KCNK2: variants seen among roughly 807,000 people sequenced by gnomAD.
The protein encoded by KCNK2 is potassium two pore domain channel subfamily K member 2.
KCNK2 carries 21 observed loss-of-function variants against 40.5 expected under a neutral mutation model. The ratio of observed to expected loss-of-function variants is 0.52; its 90% CI spans 0.37 to 0.75. The LOEUF (loss-of-function observed/expected upper bound fraction) is 0.75, where lower values mean the gene tolerates loss of function less well. KCNK2 is among the 30% of genes least tolerant of loss of function. KCNK2 has a pLI of 0.00. For missense variants in KCNK2, 399 were observed against 531.6 expected, an observed-to-expected ratio of 0.75 and a Z score of 2.45; for synonymous variants, 191 against 202.2, an observed-to-expected ratio of 0.94 and a Z score of 0.47.
chr1:215,101,920 C>T (rs893276814), intron 2 of KCNK2, among the ~76,000 whole-genome samples: 4 of 151,722 alleles, frequency 2.6e-5, no homozygotes, highest in African/African-American at 7.3e-5. Context: ...ACTGTGTTAC[C>T]GGTTTGTGTA....
chr1:215,148,622 G>T (rs1662547174), intron 3 of KCNK2, among the ~76,000 whole-genome samples: 2 of 152,098 alleles, frequency 1.3e-5, no homozygotes, highest in Admixed American at 1.3e-4. Flanking sequence ...ATAAAGGAAA[G>T]AAAAATAATT....
Position 215,229,207 on chromosome 1 carries a change from C to CT in KCNK2, c.964-5605dup, listed in dbSNP as rs201225142. ...ATCTTATAAGGTCAAGATTGTTTTT[C>CT]TTTTTTTTTTTTTTTTGAATGTGAA... On this transcript the variant is annotated intron_variant, in intron 6 of 6. Transcript: ENST00000444842. Among the ~76,000 whole-genome samples the CT allele has an allele frequency of 1.4e-3, 187 of 129,876 alleles. 2 individuals are homozygous for CT. Among genetic ancestry groups the CT allele is most frequent in the South Asian group, 7.4e-3 (30 of 4,080 alleles). The allele number at this position is 129,876 out of a possible 152,430, so 85.2% of individuals were successfully genotyped here.
chr1:215,186,494 A>G (rs1418007236), intron 5 of KCNK2, among the ~76,000 whole-genome samples: 1 of 152,234 alleles, frequency 6.6e-6, no homozygotes, highest in African/African-American at 2.4e-5. Context: ...ATGATATAGT[A>G]GAGCATAATA....
chr1:215,230,040 G>GAT (rs1297157747), intron 6 of KCNK2, among the ~76,000 whole-genome samples: 1 of 139,596 alleles, frequency 7.2e-6, no homozygotes, highest in Non-Finnish European at 1.5e-5. Flanking sequence ...TACATATATA[G>GAT]ATATATATAC....
chr1:215,142,703 G>T (rs1488336366), intron 3 of KCNK2, among the ~76,000 whole-genome samples: 1 of 152,102 alleles, frequency 6.6e-6, no homozygotes, highest in Non-Finnish European at 1.5e-5. Flanking sequence ...GGTTGCCAAT[G>T]AGTGCATTTC....
At chr1:215,032,679 C>G (rs1156903530) in intron 1 of KCNK2, among the ~76,000 whole-genome samples, 1 of 151,986 alleles carries the variant, frequency 6.6e-6, no homozygotes, top group African/African-American at 2.4e-5. Context: ...ATTTTTTTCT[C>G]TCAGTATTTT....
chr1:215,153,905 TC>T (rs754989920), intron 3 of KCNK2, among the ~76,000 whole-genome samples: 1 of 152,136 alleles, frequency 6.6e-6, no homozygotes, highest in Non-Finnish European at 1.5e-5. Flanking sequence ...TCATCCATGT[TC>T]CTGCAAAGGA....
At chr1:215,020,673 A>G (rs546812115) in intron 1 of KCNK2, among the ~76,000 whole-genome samples, 94 of 152,244 alleles carry the variant, frequency 6.2e-4, no homozygotes, top group Middle Eastern at 6.8e-3. Flanking sequence ...CAATCCACCC[A>G]CCACAGCCTC....
chr1:215,080,945 C>T (rs1659131178), upstream of KCNK2, among the ~76,000 whole-genome samples: 2 of 152,308 alleles, frequency 1.3e-5, no homozygotes, highest in South Asian at 4.2e-4. Flanking sequence ...AACGAGATTG[C>T]TCTAGGTAAT....
intron 6 of KCNK2, among the ~76,000 whole-genome samples, chr1:215,220,650 A>C (rs1231611496): frequency 6.6e-6 from 1 of 152,206 alleles, no homozygotes; most frequent in Non-Finnish European, 1.5e-5. Flanking sequence ...AAGGAAGCAA[A>C]ACCATGTTTT....
intron 1 of KCNK2, among the ~76,000 whole-genome samples, chr1:215,075,014 A>G (rs1203803122): frequency 2.0e-5 from 3 of 152,204 alleles, no homozygotes; most frequent in Non-Finnish European, 1.5e-5. Flanking sequence ...GGGCAAAGTT[A>G]AATATGAATG....
intron 6 of KCNK2, among the ~76,000 whole-genome samples, chr1:215,208,856 C>T (rs1665431280): frequency 6.6e-6 from 1 of 151,880 alleles, no homozygotes; most frequent in African/African-American, 2.4e-5. Context: ...GAGATGGAGT[C>T]TCGTTCTGTG....
chr1:215,063,326 G>T (rs911702485), intron 1 of KCNK2, among the ~76,000 whole-genome samples: 16 of 152,188 alleles, frequency 1.1e-4, no homozygotes, highest in African/African-American at 3.9e-4. Context: ...TGTCAGAGCT[G>T]TAGTCTGACC....
At chr1:215,032,643 C>T (rs1657244052) in intron 1 of KCNK2, among the ~76,000 whole-genome samples, 1 of 151,934 alleles carries the variant, frequency 6.6e-6, no homozygotes, top group African/African-American at 2.4e-5. Flanking sequence ...GGATAATTTC[C>T]CAGCGTATGA....
chr1:215,127,161 A>C (rs1048857390), intron 3 of KCNK2, among the ~76,000 whole-genome samples: 3 of 152,146 alleles, frequency 2.0e-5, no homozygotes, highest in African/African-American at 7.2e-5. Context: ...AGGGTTTTGG[A>C]AAATAAATTG....
intron 3 of KCNK2, among the ~76,000 whole-genome samples, chr1:215,158,380 G>A (rs1001512110): frequency 6.6e-6 from 1 of 152,160 alleles, no homozygotes; most frequent in Non-Finnish European, 1.5e-5. Flanking sequence ...CAGATTTTCT[G>A]AGGATGTTCC....
intron 1 of KCNK2, among the ~76,000 whole-genome samples, chr1:215,073,476 G>T (rs1430713265): frequency 6.6e-6 from 1 of 152,164 alleles, no homozygotes; most frequent in African/African-American, 2.4e-5. Flanking sequence ...TGAGGAAGAT[G>T]TGTTTTTACT....
At chr1:215,093,850 T>C (rs1205892461) in intron 2 of KCNK2, among the ~76,000 whole-genome samples, 2 of 88,358 alleles carry the variant, frequency 2.3e-5, no homozygotes, top group African/African-American at 4.6e-5. Context: ...TTATATATTA[T>C]ATATTATATA....
chr1:215,228,842 A>G (rs1165197434), intron 6 of KCNK2, among the ~76,000 whole-genome samples: 1 of 152,152 alleles, frequency 6.6e-6, no homozygotes, highest in Non-Finnish European at 1.5e-5. Context: ...CTTCGAAAAC[A>G]AAAAAGCATC....
Sources: allele counts gnomAD v4.1 joint callset (sites outside exome capture counted in the v4.1 genomes callset), GRCh38; gene constraint gnomAD v4.1.1; transcripts MANE v1.5; gene names NCBI Gene and HGNC (gene_info 2026-07-23, HGNC 2026-07-21).